The following AOPEP variants were observed in gnomAD, a reference collection of about 807,000 sequenced individuals.
AOPEP encodes the protein aminopeptidase O.
A neutral mutation model predicts 98.1 loss-of-function variants in AOPEP; 77 were observed. That is an observed-to-expected ratio of 0.78 (90% CI 0.65 to 0.95). The LOEUF (loss-of-function observed/expected upper bound fraction) is 0.95, where lower values mean the gene tolerates loss of function less well. Among genes scored for constraint, AOPEP ranks in the 40% least tolerant of loss-of-function variants. The pLI, the probability that AOPEP is intolerant of heterozygous loss-of-function variation, is 0.00. For synonymous variants in AOPEP, 346 were observed against 365.3 expected, an observed-to-expected ratio of 0.95 and a Z score of 0.60; for missense variants, 1,024 against 1,024.7, an observed-to-expected ratio of 1.00 and a Z score of 0.01.
chr9:95,019,743 A>T (rs1055634846), intron 13 of AOPEP: 6 of 152,268 alleles, frequency 3.9e-5, no homozygotes, highest in Admixed American at 2.6e-4. Context: ...TGGAAATCTC[A>T]TCTTGGTACC....
intron 13 of AOPEP, among the ~76,000 whole-genome samples, chr9:95,055,336 G>A (rs1460152955): frequency 6.6e-6 from 1 of 152,124 alleles, no homozygotes; most frequent in African/African-American, 2.4e-5. Flanking sequence ...GGCTCTGAAC[G>A]TTTTCTGTTT....
At chr9:94,738,160 A>G (rs1168117011) in intron 1 of AOPEP, among the ~76,000 whole-genome samples, 1 of 152,188 alleles carries the variant, frequency 6.6e-6, no homozygotes, top group Admixed American at 6.5e-5. Context: ...AGCAGCCAAT[A>G]GTTTTTTGGT....
At chr9:95,042,757 C>T (rs2065448916) in intron 13 of AOPEP, among the ~76,000 whole-genome samples, 1 of 152,182 alleles carries the variant, frequency 6.6e-6, no homozygotes, top group African/African-American at 2.4e-5. Flanking sequence ...GCCTTTTCTA[C>T]TTATATGGAC....
intron 13 of AOPEP, among the ~76,000 whole-genome samples, chr9:95,054,517 G>A (rs758951104): frequency 6.6e-6 from 1 of 152,180 alleles, no homozygotes; most frequent in Non-Finnish European, 1.5e-5. Flanking sequence ...GGGAATAATA[G>A]CACGGGAACA....
chr9:94,844,763 C>T (rs2042652815), intron 5 of AOPEP, among the ~76,000 whole-genome samples: 1 of 152,180 alleles, frequency 6.6e-6, no homozygotes, highest in Admixed American at 6.5e-5. Context: ...TGGAAGAACT[C>T]ATAGTCTCAG....
chr9:94,762,447 A>C (rs1458663761), intron 2 of AOPEP, among the ~76,000 whole-genome samples: 1 of 151,526 alleles, frequency 6.6e-6, no homozygotes, highest in African/African-American at 2.4e-5. Context: ...ACTCCGTCTC[A>C]AAAAGAAAAA....
At chr9:95,085,291 A>T (rs527860025) in intron 16 of AOPEP, 2 of 482,782 alleles carry the variant, frequency 4.1e-6, no homozygotes, top group African/African-American at 3.9e-5. Context: ...TTACCACGCA[A>T]CCACGACCTT....
intron 10 of AOPEP, among the ~76,000 whole-genome samples, chr9:94,978,906 G>A (rs745605546): frequency 6.6e-6 from 1 of 151,954 alleles, no homozygotes; most frequent in Non-Finnish European, 1.5e-5. Flanking sequence ...GCCTCTCTGT[G>A]GTCTGATAGT....
chr9:95,125,854 G>T, the AOPEP span, among the ~76,000 whole-genome samples: 1 of 152,146 alleles, frequency 6.6e-6, no homozygotes, highest in South Asian at 2.1e-4. Context: ...AAGAGGGGCT[G>T]GGACACTCCC....
At chr9:95,100,975 C>G in the AOPEP span, 2 of 232,374 alleles carry the variant, frequency 8.6e-6, no homozygotes, top group Non-Finnish European at 1.7e-5. Flanking sequence ...TTCCATTTAA[C>G]AAGAGAACTA....
chr9:94,827,741 G>C (rs1234510207), intron 5 of AOPEP, among the ~76,000 whole-genome samples: 2 of 152,058 alleles, frequency 1.3e-5, no homozygotes, highest in Non-Finnish European at 2.9e-5. Flanking sequence ...AGCAAATAGA[G>C]ATAAATAGTT....
In AOPEP at chr9:95,080,775, G is replaced by A. The variant is rs1239197525; in HGVS notation, c.2314G>A (p.Asp772Asn). 1 of 1,612,442 alleles carries A rather than the reference G, an allele frequency of 6.2e-7. No homozygotes were observed. The highest frequency in any genetic ancestry group is 8.5e-7 in the Non-Finnish European group (1 of 1,178,472). The change falls in exon 15 of 17, where the codon GAT becomes AAT. Residue 772 changes from aspartate (D) to asparagine (N), a missense_variant. Physicochemically the swap from Asp to Asn is conservative, Grantham distance 23. This residue lies in a region of AOPEP where 566 missense variants were observed against 551.7 expected (regional missense o/e 1.03). Coordinates refer to ENST00000375315, the MANE Select transcript of AOPEP (RefSeq NM_001193329.3). ...AAGTGTGGAGAGGTTCCTTCAGGAG[G>A]ATCAGGTAGGTGTCATCTTTCAGCA... is the stretch of plus-strand genomic sequence containing the variant. ...YKSVERFLQEDQAMGVYLYGE... is the reference protein window; with the variant it reads ...YKSVERFLQENQAMGVYLYGE...
chr9:95,110,893 C>G, the AOPEP span: 1 of 1,266,532 alleles, frequency 7.9e-7, no homozygotes, highest in Non-Finnish European at 1.0e-6. Context: ...CAGTCCCATA[C>G]TTAGCTGCTC....
the AOPEP span, among the ~76,000 whole-genome samples, chr9:95,098,145 C>T: frequency 5.5e-4 from 83 of 152,274 alleles, no homozygotes; most frequent in East Asian, 0.013. Flanking sequence ...TGTGCAAATC[C>T]TCCAGTGCAT....
At chr9:95,116,099 G>A in the AOPEP span, among the ~76,000 whole-genome samples, 1 of 152,224 alleles carries the variant, frequency 6.6e-6, no homozygotes, top group African/African-American at 2.4e-5. Flanking sequence ...TACACAAACG[G>A]AAAGGTAAAG....
At chr9:95,129,454 T>C in the AOPEP span, among the ~76,000 whole-genome samples, 2 of 152,172 alleles carry the variant, frequency 1.3e-5, no homozygotes, top group Non-Finnish European at 2.9e-5. Context: ...TCTTCATGAG[T>C]GATGACGCAG....
intron 1 of AOPEP, among the ~76,000 whole-genome samples, chr9:94,739,504 G>T (rs1269354973): frequency 1.3e-5 from 2 of 152,096 alleles, no homozygotes; most frequent in African/African-American, 2.4e-5. Context: ...AATTAGCCAG[G>T]CGTGGTGGCA....
At chr9:95,023,677 T>C (rs934193898) in intron 13 of AOPEP, among the ~76,000 whole-genome samples, 1 of 152,100 alleles carries the variant, frequency 6.6e-6, no homozygotes, top group South Asian at 2.1e-4. Flanking sequence ...ACAACAAGTG[T>C]TGAGATCTCC....
At chr9:95,069,285 T>C (rs2068233287) in intron 14 of AOPEP, among the ~76,000 whole-genome samples, 1 of 151,964 alleles carries the variant, frequency 6.6e-6, no homozygotes, top group South Asian at 2.1e-4. Flanking sequence ...CCAGGGAAAG[T>C]GAGGGAAGGG....
Sources: gnomAD v4.1 joint callset for allele counts (sites outside exome capture counted in the v4.1 genomes callset) on GRCh38, gnomAD v4.1.1 for gene constraint, gnomAD v4.1.1 regional missense constraint, MANE v1.5 for transcripts, NCBI Gene and HGNC (gene_info 2026-07-23, HGNC 2026-07-21) for gene names.